Variants in SNX6 observed in about 807,000 individuals in gnomAD.
SNX6 encodes sorting nexin 6, also known as sorting nexin-6.
A neutral mutation model predicts 63.0 loss-of-function variants in SNX6; 34 were observed. That is an observed-to-expected ratio of 0.54 (90% CI 0.41 to 0.72). The LOEUF (loss-of-function observed/expected upper bound fraction) is 0.72. SNX6 is among the 30% of genes least tolerant of loss of function. The pLI is 0.00. For synonymous variants in SNX6, 170 were observed against 164.2 expected (o/e 1.04, Z -0.27); for missense variants, 398 against 471.4 (o/e 0.84, Z 1.44).
At chr14:34,606,693 C>T (rs1883034333) in intron 4 of SNX6, among the ~76,000 whole-genome samples, 3 of 152,070 alleles carry the variant, frequency 2.0e-5, no homozygotes, top group Non-Finnish European at 2.9e-5. Flanking sequence ...CTCAGATGAT[C>T]CACCCGCCTC....
intron 10 of SNX6, among the ~76,000 whole-genome samples, chr14:34,578,497 A>G (rs1405144871): frequency 1.3e-5 from 2 of 151,446 alleles, no homozygotes; most frequent in Middle Eastern, 3.2e-3. Flanking sequence ...GGGCATGGTG[A>G]TGTGTGCCTG....
chr14:34,609,373 C>A (rs192705589), intron 3 of SNX6, among the ~76,000 whole-genome samples: 1 of 146,660 alleles, frequency 6.8e-6, no homozygotes, highest in African/African-American at 2.5e-5. Flanking sequence ...CCCAGCTACT[C>A]TGGAGGCTGA....
intron 2 of SNX6, among the ~76,000 whole-genome samples, chr14:34,614,457 C>T (rs1307054630): frequency 6.6e-6 from 1 of 151,254 alleles, no homozygotes; most frequent in Non-Finnish European, 1.5e-5. Flanking sequence ...AACCAAAAAA[C>T]TCCAAAACCA....
chr14:34,624,895 T>C (rs1377407644), intron 2 of SNX6, among the ~76,000 whole-genome samples: 2 of 152,316 alleles, frequency 1.3e-5, no homozygotes, highest in Non-Finnish European at 2.9e-5. Flanking sequence ...TATCAATATG[T>C]ACTTCATGCT....
At chr14:34,579,295 A>C (rs952832692) in intron 10 of SNX6, among the ~76,000 whole-genome samples, 4 of 152,290 alleles carry the variant, frequency 2.6e-5, no homozygotes, top group Admixed American at 2.6e-4. Flanking sequence ...CAGAACAGAT[A>C]AACAAATTAA....
chr14:34,598,173 T>C (rs773324662), intron 6 of SNX6, among the ~76,000 whole-genome samples: 3 of 152,094 alleles, frequency 2.0e-5, no homozygotes, highest in Non-Finnish European at 4.4e-5. Context: ...AAAGATGACT[T>C]TGAACAAATG....
intron 9 of SNX6, among the ~76,000 whole-genome samples, chr14:34,584,746 G>GA (rs201926833): frequency 1.5e-4 from 22 of 150,348 alleles, no homozygotes; most frequent in African/African-American, 2.4e-5. Context: ...TGGGGAGGAA[G>GA]AAAAAAAAAT....
chr14:34,608,361 C>T (rs913262883), intron 3 of SNX6, among the ~76,000 whole-genome samples: 2 of 152,126 alleles, frequency 1.3e-5, no homozygotes, highest in Middle Eastern at 3.2e-3. Context: ...TGAGGTCTCA[C>T]TAAGATGCCC....
In SNX6 at chr14:34,562,872, G is replaced by T. The variant is rs1880991540; in HGVS notation, c.*250C>A. The T allele has an allele frequency of 6.5e-6, 3 of 462,866 alleles. No individual in the cohort carries two copies. Among genetic ancestry groups the T allele is most frequent in the Admixed American group, 7.8e-5 (2 of 25,570 alleles). 28.7% of individuals were successfully genotyped at this position (462,866 alleles called of 1,614,324 possible). On this transcript the variant is annotated 3_prime_UTR_variant, in exon 14 of 14. Transcript: ENST00000362031. ...GCTACTTTAAAGAAGAATGAACTTT[G>T]GACTTCTGAGTATGACGAGTGCACG...
intron 5 of SNX6, among the ~76,000 whole-genome samples, chr14:34,604,857 C>CA (rs10630883): frequency 0.035 from 5,133 of 148,318 alleles, 237 homozygotes; most frequent in African/African-American, 0.11. Context: ...GCAAATACTC[C>CA]AAAAAAAAAA....
At chr14:34,611,952 G>A (rs929044768) in intron 2 of SNX6, among the ~76,000 whole-genome samples, 1 of 151,860 alleles carries the variant, frequency 6.6e-6, no homozygotes, top group Non-Finnish European at 1.5e-5. Context: ...CTCATTTTTT[G>A]TATTTTTTTA....
intron 2 of SNX6, among the ~76,000 whole-genome samples, chr14:34,614,581 A>G (rs1303004581): frequency 6.6e-6 from 1 of 152,190 alleles, no homozygotes; most frequent in Non-Finnish European, 1.5e-5. Flanking sequence ...ATATTCTGTC[A>G]AAATTTCCTC....
At chr14:34,612,963 G>A (rs1883287334) in intron 2 of SNX6, among the ~76,000 whole-genome samples, 1 of 151,268 alleles carries the variant, frequency 6.6e-6, no homozygotes, top group South Asian at 2.1e-4. Flanking sequence ...GCAGGAGAAT[G>A]GTGTGAACCT....
At chr14:34,620,889 T>C (rs890234851) in intron 2 of SNX6, among the ~76,000 whole-genome samples, 2 of 151,988 alleles carry the variant, frequency 1.3e-5, no homozygotes, top group African/African-American at 2.4e-5. Context: ...TTGCAGTGAA[T>C]TGAGATGGTG....
intron 2 of SNX6, among the ~76,000 whole-genome samples, chr14:34,628,959 G>A (rs1425900836): frequency 1.3e-5 from 2 of 152,052 alleles, no homozygotes; most frequent in African/African-American, 2.4e-5. Flanking sequence ...GTGGGAGGGA[G>A]GAATCAGAGC....
At chr14:34,611,772 A>G (rs1208576524) in intron 2 of SNX6, among the ~76,000 whole-genome samples, 3 of 149,934 alleles carry the variant, frequency 2.0e-5, no homozygotes, top group Non-Finnish European at 4.4e-5. Flanking sequence ...AAAAAAGAGA[A>G]ATCTGTTCCC....
At chr14:34,588,496 C>A (rs566871589) in intron 8 of SNX6, among the ~76,000 whole-genome samples, 1 of 152,186 alleles carries the variant, frequency 6.6e-6, no homozygotes, top group South Asian at 2.1e-4. Context: ...AGCGATCCAC[C>A]CACCTCAGCC....
chr14:34,602,813 A>G (rs1328466108), intron 6 of SNX6, among the ~76,000 whole-genome samples: 1 of 144,788 alleles, frequency 6.9e-6, no homozygotes, highest in Non-Finnish European at 1.5e-5. Flanking sequence ...CGTCTCTACT[A>G]AAAATACAAA....
chr14:34,593,430 C>G (rs1882476259), intron 7 of SNX6, among the ~76,000 whole-genome samples: 1 of 151,346 alleles, frequency 6.6e-6, no homozygotes, highest in Non-Finnish European at 1.5e-5. Context: ...GATGGAGTCT[C>G]ACTCTGTCAC....
Sources: gnomAD v4.1 joint callset for allele counts (sites outside exome capture counted in the v4.1 genomes callset) on GRCh38, gnomAD v4.1.1 for gene constraint, MANE v1.5 for transcripts, NCBI Gene and HGNC (gene_info 2026-07-23, HGNC 2026-07-21) for gene names.